TNRC6B: variants seen among roughly 807,000 people sequenced by gnomAD.
TNRC6B encodes trinucleotide repeat-containing gene 6B protein.
Under a neutral mutation model 203.6 loss-of-function variants are expected in TNRC6B, and 52 were observed. The observed-to-expected ratio is 0.26, with a 90% CI of 0.20 to 0.32. The LOEUF is 0.32. Among genes scored for constraint, TNRC6B ranks in the 10% least tolerant of loss-of-function variants. The probability of loss-of-function intolerance (pLI) is 1.00; values close to 1 mark genes in which losing one functional copy is unlikely to be tolerated. For missense variants in TNRC6B, 1,923 were observed against 2,286.2 expected (o/e 0.84, Z 3.24); for synonymous variants, 838 against 845.7 (o/e 0.99, Z 0.16).
chr22:40,153,198 C>G (rs1447646771), intron 3 of TNRC6B, among the ~76,000 whole-genome samples: 1 of 152,084 alleles, frequency 6.6e-6, no homozygotes, highest in Non-Finnish European at 1.5e-5. Context: ...AAAAATTCAC[C>G]TTCTATATAC....
chr22:40,068,003 C>T (rs1456312657), intron 1 of TNRC6B, among the ~76,000 whole-genome samples: 5 of 152,124 alleles, frequency 3.3e-5, no homozygotes, highest in Admixed American at 6.5e-5. Flanking sequence ...TTGGAATATA[C>T]ACTCTATCAT....
At chr22:40,154,856 AAAAAATATATATAT>A (rs1489674988) in intron 3 of TNRC6B, among the ~76,000 whole-genome samples, 3 of 41,478 alleles carry the variant, frequency 7.2e-5, no homozygotes, top group African/African-American at 3.9e-4. Context: ...AAAAAAAAAA[AAAAAATATATATAT>A]ATATATATAT....
At chr22:40,136,715 T>C (rs2068603136) in intron 3 of TNRC6B, among the ~76,000 whole-genome samples, 1 of 152,090 alleles carries the variant, frequency 6.6e-6, no homozygotes, top group Admixed American at 6.6e-5. Context: ...GGCCTGTATA[T>C]TTAAATATTT....
chr22:40,181,026 G>A (rs1290592364), intron 1 of TNRC6B, among the ~76,000 whole-genome samples: 2 of 152,130 alleles, frequency 1.3e-5, no homozygotes. Flanking sequence ...ATCAGAAGTG[G>A]TATCTCAATT....
At chr22:40,092,178 G>A (rs985164225) in intron 1 of TNRC6B, among the ~76,000 whole-genome samples, 5 of 152,106 alleles carry the variant, frequency 3.3e-5, no homozygotes, top group African/African-American at 1.2e-4. Context: ...CGAGGCAGCT[G>A]GATCACTTGA....
At chr22:40,149,019 G>C (rs1410368897) in intron 3 of TNRC6B, among the ~76,000 whole-genome samples, 2 of 152,132 alleles carry the variant, frequency 1.3e-5, no homozygotes, top group East Asian at 3.8e-4. Flanking sequence ...CATTACAGCA[G>C]CCCTAGCAAA....
chr22:40,242,686 T>A (rs993171379), intron 1 of TNRC6B, among the ~76,000 whole-genome samples: 1 of 152,116 alleles, frequency 6.6e-6, no homozygotes, highest in Admixed American at 6.5e-5. Flanking sequence ...CGCCTTGGCC[T>A]CCCAAAGTGC....
At chr22:40,147,399 T>C (rs1258624733) in intron 3 of TNRC6B, among the ~76,000 whole-genome samples, 1 of 152,176 alleles carries the variant, frequency 6.6e-6, no homozygotes, top group East Asian at 1.9e-4. Context: ...TATCTCAGTT[T>C]GTTTATGCTG....
chr22:40,310,720 A>G, intron 16 of TNRC6B, 97 bp from the exon 17 acceptor site: 2 of 1,256,236 alleles, frequency 1.6e-6, no homozygotes, highest in Non-Finnish European at 2.2e-6. Flanking sequence ...ATACTCCATC[A>G]GCTTCAGAAG....
intron 1 of TNRC6B, among the ~76,000 whole-genome samples, chr22:40,199,342 G>A (rs2146404275): frequency 6.6e-6 from 1 of 152,210 alleles, no homozygotes; most frequent in Non-Finnish European, 1.5e-5. Context: ...CCAATGGAGA[G>A]GCCTGGCAGA....
rs757353217 is a variant in TNRC6B, at chr22:40,156,108, T to C, written c.46-7T>C. 7.0e-6 allele frequency: 11 copies of C among 1,573,382 alleles called. No individual in the cohort carries two copies. In the Admixed American group the frequency reaches 2.1e-4, roughly 29 times the overall value. On this transcript the variant is annotated splice_region_variant and splice_polypyrimidine_tract_variant and intron_variant, in intron 3 of 23. Transcript: ENST00000301923. ...CTGCTGCTGACCTGTGGTGCTTGCC[T>C]TTGCAGGTGGAACAGGAGGATTTTG... is the stretch of plus-strand genomic sequence containing the variant.
At chr22:40,299,144 CAAAAAAAAAAAAACAAAAA>C (rs960934063) in intron 12 of TNRC6B, among the ~76,000 whole-genome samples, 1 of 43,944 alleles carries the variant, frequency 2.3e-5, no homozygotes, top group African/African-American at 8.7e-5. Flanking sequence ...GACCCTGTCT[CAAAAAAAAAAAAACAAAAA>C]AAAAAAAAAA....
At chr22:40,255,850 G>T (rs1303370468) in intron 3 of TNRC6B, among the ~76,000 whole-genome samples, 2 of 71,860 alleles carry the variant, frequency 2.8e-5, no homozygotes, top group Admixed American at 1.9e-4. Context: ...TTGCTTGTTT[G>T]TTTGTTTGTT....
chr22:40,239,016 A>G (rs1292724265), intron 1 of TNRC6B, among the ~76,000 whole-genome samples: 1 of 152,128 alleles, frequency 6.6e-6, no homozygotes, highest in Non-Finnish European at 1.5e-5. Flanking sequence ...CAGGCCAGCC[A>G]ACATAGTGAG....
intron 1 of TNRC6B, among the ~76,000 whole-genome samples, chr22:40,069,478 C>CT (rs546059747): frequency 1.5e-4 from 22 of 143,460 alleles, no homozygotes; most frequent in South Asian, 4.5e-4. Context: ...TTTGTAAGAG[C>CT]TTTTTTTTTT....
intron 4 of TNRC6B, among the ~76,000 whole-genome samples, chr22:40,166,896 A>G (rs1389148624): frequency 6.7e-6 from 1 of 149,002 alleles, no homozygotes; most frequent in Non-Finnish European, 1.5e-5. Context: ...CTTTGTCTCA[A>G]AAAAAAAAAA....
chr22:40,277,237 A>G (rs1025705239), intron 8 of TNRC6B, 86 bp downstream of exon 8: 3 of 929,760 alleles, frequency 3.2e-6, no homozygotes, highest in East Asian at 2.8e-5. Flanking sequence ...TGCCACATAT[A>G]GTACAAAATT....
intron 1 of TNRC6B, among the ~76,000 whole-genome samples, chr22:40,243,149 G>A (rs1018785091): frequency 5.9e-5 from 9 of 152,146 alleles, no homozygotes; most frequent in African/African-American, 1.4e-4. Context: ...GATTACAGGC[G>A]TGAGCCACCG....
chr22:40,164,602 CA>C (rs1259580165), intron 4 of TNRC6B, among the ~76,000 whole-genome samples: 6 of 148,596 alleles, frequency 4.0e-5, no homozygotes, highest in Non-Finnish European at 7.5e-5. Flanking sequence ...GTCTGTACTA[CA>C]AATACAAAAT....
Sources: allele counts gnomAD v4.1 joint callset (sites outside exome capture counted in the v4.1 genomes callset), GRCh38; gene constraint gnomAD v4.1.1; transcripts MANE v1.5; gene names NCBI Gene and HGNC (gene_info 2026-07-23, HGNC 2026-07-21).